KANK1: variants seen among roughly 807,000 people sequenced by gnomAD.
The protein encoded by KANK1 is KN motif and ankyrin repeat domain-containing protein 1.
In KANK1, 109 loss-of-function variants were observed where a neutral mutation model predicts 106.2. That is an observed-to-expected ratio of 1.03 (90% CI 0.88 to 1.20). The LOEUF is 1.20. KANK1 is among the 50% of genes most tolerant of loss of function. The pLI, the probability that KANK1 is intolerant of heterozygous loss-of-function variation, is 0.00. For missense variants in KANK1, 2,399 were observed against 1,710.7 expected (o/e 1.40, Z -7.10); for synonymous variants, 873 against 652.2 (o/e 1.34, Z -5.16).
chr9:618,453 C>G (rs534190352), intron 1 of KANK1, among the ~76,000 whole-genome samples: 1 of 152,232 alleles, frequency 6.6e-6, no homozygotes, highest in Admixed American at 6.5e-5. Context: ...AGTGATCTGC[C>G]CACCTCAGCC....
At chr9:527,293 T>TTTTG (rs35256853) in intron 1 of KANK1, among the ~76,000 whole-genome samples, 31,423 of 151,184 alleles carry the variant, frequency 0.21, 3,903 homozygotes, top group East Asian at 0.37. Flanking sequence ...TTTGTGTGTT[T>TTTTG]TTTGTTTGTT....
At chr9:605,746 A>G (rs866667374) in intron 1 of KANK1, among the ~76,000 whole-genome samples, 2 of 151,752 alleles carry the variant, frequency 1.3e-5, no homozygotes, top group Non-Finnish European at 1.5e-5. Context: ...GAAGGGGGAT[A>G]GAGATGGAGA....
intron 3 of KANK1, among the ~76,000 whole-genome samples, chr9:481,680 G>C (rs967129985): frequency 3.9e-5 from 6 of 152,138 alleles, no homozygotes; most frequent in African/African-American, 1.4e-4. Context: ...CCACAGAATA[G>C]GCAAGGCTTG....
chr9:512,936 T>C (rs1217243426), intron 1 of KANK1, among the ~76,000 whole-genome samples: 2 of 152,334 alleles, frequency 1.3e-5, no homozygotes, highest in African/African-American at 4.8e-5. Context: ...GTTACCTTTC[T>C]GATTTAAAAT....
At chr9:620,559 C>G (rs1832912825) in intron 1 of KANK1, among the ~76,000 whole-genome samples, 1 of 151,994 alleles carries the variant, frequency 6.6e-6, no homozygotes, top group Non-Finnish European at 1.5e-5. Flanking sequence ...CCTGCCACCA[C>G]ACCCGGCTAA....
chr9:638,668 G>A (rs1010368536), intron 1 of KANK1, among the ~76,000 whole-genome samples: 1 of 152,198 alleles, frequency 6.6e-6, no homozygotes, highest in Non-Finnish European at 1.5e-5. Context: ...ATTCTTTTGA[G>A]ATAGATGGAC....
chr9:546,590 G>A (rs2060942117), intron 1 of KANK1, among the ~76,000 whole-genome samples: 1 of 151,894 alleles, frequency 6.6e-6, no homozygotes, highest in Non-Finnish European at 1.5e-5. Context: ...CTCTACCATA[G>A]AACTCTTACT....
chr9:742,819 T>A (rs1319393214), intron 10 of KANK1, among the ~76,000 whole-genome samples: 1 of 152,198 alleles, frequency 6.6e-6, no homozygotes, highest in Non-Finnish European at 1.5e-5. Flanking sequence ...CAGTTCCTAC[T>A]ATAGTGAACC....
At chr9:501,039 A>G (rs2058542314), upstream of KANK1, among the ~76,000 whole-genome samples, 1 of 152,122 alleles carries the variant, frequency 6.6e-6, no homozygotes, top group Non-Finnish European at 1.5e-5. Flanking sequence ...TGATTCACTG[A>G]GTCTTCAGAC....
chr9:543,173 AG>A (rs950375658), intron 1 of KANK1, among the ~76,000 whole-genome samples: 6 of 152,156 alleles, frequency 3.9e-5, no homozygotes, highest in African/African-American at 1.4e-4. Flanking sequence ...TGGGAGGAAA[AG>A]TGATAAACGG....
chr9:626,690 A>G (rs751466272), intron 1 of KANK1, among the ~76,000 whole-genome samples: 4 of 152,222 alleles, frequency 2.6e-5, no homozygotes, highest in Non-Finnish European at 4.4e-5. Flanking sequence ...ATAGAAAAGG[A>G]GAAACAAAAA....
intron 1 of KANK1, among the ~76,000 whole-genome samples, chr9:532,734 A>G (rs1265744443): frequency 6.6e-6 from 1 of 152,144 alleles, no homozygotes; most frequent in South Asian, 2.1e-4. Context: ...CTGTTTTTGG[A>G]ATATCTTGGA....
At chr9:528,320 C>T (rs1440355222) in intron 1 of KANK1, among the ~76,000 whole-genome samples, 1 of 151,786 alleles carries the variant, frequency 6.6e-6, no homozygotes, top group African/African-American at 2.4e-5. Flanking sequence ...ATTGAATTTG[C>T]ATTTTCTAAT....
chr9:474,394 A>C (rs2058070245), intron 3 of KANK1, among the ~76,000 whole-genome samples: 1 of 152,234 alleles, frequency 6.6e-6, no homozygotes, highest in African/African-American at 2.4e-5. Flanking sequence ...GGACATATTG[A>C]TTAATTGCAT....
intron 1 of KANK1, among the ~76,000 whole-genome samples, chr9:592,041 T>C (rs1563822807): frequency 2.6e-5 from 4 of 151,818 alleles, no homozygotes; most frequent in Non-Finnish European, 5.9e-5. Context: ...ACCTTGTCTG[T>C]GTTGACCACA....
chr9:632,551 C>A (rs997215851), intron 1 of KANK1, among the ~76,000 whole-genome samples: 2 of 152,118 alleles, frequency 1.3e-5, no homozygotes, highest in African/African-American at 4.8e-5. Context: ...CAACTTCTTT[C>A]AAATGCACCT....
intron 1 of KANK1, among the ~76,000 whole-genome samples, chr9:589,714 C>G (rs544244557): frequency 6.6e-6 from 1 of 152,176 alleles, no homozygotes; most frequent in Admixed American, 6.5e-5. Context: ...ATTAAGAGGG[C>G]TGAAGGATTG....
chr9:498,027 G>A (rs993677549), intron 3 of KANK1, among the ~76,000 whole-genome samples: 1 of 152,012 alleles, frequency 6.6e-6, no homozygotes. Flanking sequence ...ACCCTCTTAG[G>A]CCCTGATGGG....
intron 1 of KANK1, among the ~76,000 whole-genome samples, chr9:590,120 T>C (rs1410009690): frequency 2.0e-5 from 3 of 152,192 alleles, no homozygotes; most frequent in Non-Finnish European, 4.4e-5. Context: ...AAGCAGCTGT[T>C]GGGCTGTGCT....
Sources: gnomAD v4.1 joint callset for allele counts (sites outside exome capture counted in the v4.1 genomes callset) on GRCh38, gnomAD v4.1.1 for gene constraint, MANE v1.5 for transcripts, NCBI Gene and HGNC (gene_info 2026-07-23, HGNC 2026-07-21) for gene names.